PTPRD: variants seen among roughly 807,000 people sequenced by gnomAD.
PTPRD encodes protein tyrosine phosphatase receptor type D.
A neutral mutation model predicts 214.5 loss-of-function variants in PTPRD; 34 were observed. That is an observed-to-expected ratio of 0.16 (90% CI 0.12 to 0.21). PTPRD has a LOEUF of 0.21. PTPRD is among the 10% of genes least tolerant of loss of function. The pLI, the probability that PTPRD is intolerant of heterozygous loss-of-function variation, is 1.00. For synonymous variants in PTPRD, 1,128 were observed against 845.7 expected (o/e 1.33, Z -5.79); for missense variants, 2,545 against 2,398.7 (o/e 1.06, Z -1.27).
intron 11 of PTPRD, among the ~76,000 whole-genome samples, chr9:8,806,258 G>A (rs1264467353): frequency 2.0e-5 from 3 of 150,254 alleles, no homozygotes; most frequent in African/African-American, 7.3e-5. Flanking sequence ...GGGGCGGGGG[G>A]GGGATTTTTA....
chr9:9,146,909 C>G (rs774135904), intron 10 of PTPRD, among the ~76,000 whole-genome samples: 50 of 152,196 alleles, frequency 3.3e-4, no homozygotes, highest in Non-Finnish European at 6.8e-4. Flanking sequence ...ACTAAACACA[C>G]GTGGAGCAGC....
chr9:10,027,855 T>C (rs1178568558), intron 4 of PTPRD, among the ~76,000 whole-genome samples: 4 of 152,186 alleles, frequency 2.6e-5, no homozygotes, highest in Admixed American at 2.6e-4. Flanking sequence ...ATGAATTGCC[T>C]TTTTCTCCTT....
intron 10 of PTPRD, among the ~76,000 whole-genome samples, chr9:9,061,563 G>T (rs1329555728): frequency 2.6e-5 from 4 of 152,086 alleles, no homozygotes; most frequent in African/African-American, 4.8e-5. Context: ...CCCCAAGGTT[G>T]TCAACTCATG....
chr9:9,062,610 T>C (rs1478168172), intron 10 of PTPRD, among the ~76,000 whole-genome samples: 1 of 152,182 alleles, frequency 6.6e-6, no homozygotes, highest in African/African-American at 2.4e-5. Flanking sequence ...TAACTATTTA[T>C]GCTTGAGAAA....
intron 3 of PTPRD, among the ~76,000 whole-genome samples, chr9:10,185,146 A>T (rs192776043): frequency 1.3e-5 from 2 of 152,298 alleles, no homozygotes. Flanking sequence ...AGATGATCTC[A>T]CTGTTAATCT....
intron 12 of PTPRD, among the ~76,000 whole-genome samples, chr9:8,707,632 G>A (rs146614429): frequency 2.0e-5 from 3 of 152,292 alleles, no homozygotes; most frequent in African/African-American, 7.2e-5. Flanking sequence ...CTTTCCATCT[G>A]TTACATCTAC....
intron 7 of PTPRD, among the ~76,000 whole-genome samples, chr9:9,577,905 G>A (rs911160873): frequency 8.6e-5 from 13 of 151,748 alleles, no homozygotes; most frequent in African/African-American, 2.9e-4. Flanking sequence ...AATTAGCTGG[G>A]TATGGTAGTG....
chr9:9,335,738 C>A (rs1475024314), intron 9 of PTPRD, among the ~76,000 whole-genome samples: 1 of 151,946 alleles, frequency 6.6e-6, no homozygotes, highest in Non-Finnish European at 1.5e-5. Context: ...ATGAATTATA[C>A]CTTGGAGAAA....
intron 12 of PTPRD, among the ~76,000 whole-genome samples, chr9:8,686,024 T>C (rs562028003): frequency 3.3e-5 from 5 of 152,324 alleles, no homozygotes; most frequent in Non-Finnish European, 7.3e-5. Context: ...ACAAGTGTTC[T>C]CATCTGAATG....
chr9:8,695,051 C>G (rs757312175), intron 12 of PTPRD, among the ~76,000 whole-genome samples: 1 of 152,154 alleles, frequency 6.6e-6, no homozygotes, highest in Non-Finnish European at 1.5e-5. Context: ...GCAGCTCAAT[C>G]GCTCAGTCTT....
At chr9:9,384,715 C>A (rs957726532) in intron 9 of PTPRD, among the ~76,000 whole-genome samples, 2 of 151,918 alleles carry the variant, frequency 1.3e-5, no homozygotes, top group African/African-American at 4.8e-5. Context: ...GCTCCTTGAT[C>A]ACTAAATATT....
chr9:8,714,336 T>C (rs2098406118), intron 12 of PTPRD, among the ~76,000 whole-genome samples: 1 of 152,154 alleles, frequency 6.6e-6, no homozygotes, highest in Non-Finnish European at 1.5e-5. Context: ...TGTTTTGTTT[T>C]ATATCACGGC....
rs1331593531 is a variant in PTPRD at position 9,529,846 on chromosome 9, A to G, written c.-237+44886T>C. Among the ~76,000 whole-genome samples the G allele has an allele frequency of 2.6e-5, 4 of 151,160 alleles. No individual in the cohort carries two copies. In the South Asian group the frequency reaches 8.3e-4, roughly 31 times the overall value. On this transcript the variant is annotated intron_variant, in intron 8 of 45. Transcript: ENST00000381196. The stretch of plus-strand genomic sequence containing the variant: ...ATACATAAATATATTTACACACACT[A>G]TATATATATATTTAAATATATTTAC...
At position 8,609,116 on chromosome 9, in the gene PTPRD, G is replaced by A. The variant is rs929225762; in HGVS notation, c.352+24201C>T. Among the ~76,000 whole-genome samples, 8 of 152,306 alleles carry A rather than the reference G, an allele frequency of 5.3e-5. No homozygotes were observed. The East Asian group carries it at 7.7e-4, about 15-fold the overall frequency. ...TCTTAAAAGTGAATGAGAATTTTAC[G>A]TTTGTCTCCTCAATGAATGTAATTT... On this transcript the variant is annotated intron_variant, in intron 14 of 45. Transcript: ENST00000381196.
chr9:9,507,606 C>A (rs1158004687), intron 8 of PTPRD, among the ~76,000 whole-genome samples: 1 of 151,308 alleles, frequency 6.6e-6, no homozygotes, highest in Non-Finnish European at 1.5e-5. Flanking sequence ...TTATATTTTA[C>A]AGGAATTTAT....
At chr9:9,741,246 C>T (rs1396309067) in intron 6 of PTPRD, among the ~76,000 whole-genome samples, 1 of 152,050 alleles carries the variant, frequency 6.6e-6, no homozygotes, top group African/African-American at 2.4e-5. Flanking sequence ...TAGAGGTACA[C>T]ATTTGGAATT....
intron 9 of PTPRD, among the ~76,000 whole-genome samples, chr9:9,322,801 A>G (rs530803798): frequency 1.3e-5 from 2 of 152,280 alleles, no homozygotes; most frequent in Admixed American, 6.5e-5. Flanking sequence ...AAATTTGAAC[A>G]GGTACTACTA....
At position 8,683,167 on chromosome 9, in the gene PTPRD, T is replaced by C. The variant is rs141444165; in HGVS notation, c.65-46323A>G. ...CTTAAGAAGGCATACCACTTTTGAG[T>C]GCCACACACAAAGCTGTATTTTCTG... On this transcript the variant is annotated intron_variant, in intron 12 of 45. Coordinates refer to ENST00000381196, the MANE Select transcript of PTPRD (RefSeq NM_002839.4). 6.1e-3 allele frequency among the ~76,000 whole-genome samples: 928 copies of C among 152,214 alleles called. 11 individuals are homozygous for C. The highest frequency in any genetic ancestry group is 0.021 in the African/African-American group (889 of 41,546).
intron 2 of PTPRD, among the ~76,000 whole-genome samples, chr9:10,407,092 C>A (rs1012888568): frequency 2.6e-5 from 4 of 151,532 alleles, no homozygotes; most frequent in African/African-American, 9.7e-5. Context: ...AACGTCTTCT[C>A]ACCAACAAAT....
Sources: gnomAD v4.1 joint callset for allele counts (sites outside exome capture counted in the v4.1 genomes callset) on GRCh38, gnomAD v4.1.1 for gene constraint, MANE v1.5 for transcripts, NCBI Gene and HGNC (gene_info 2026-07-23, HGNC 2026-07-21) for gene names.